The following ATP9B variants were observed in gnomAD, a reference collection of about 807,000 sequenced individuals.
ATP9B encodes ATPase phospholipid transporting 9B, also known as probable phospholipid-transporting ATPase IIB.
A neutral mutation model predicts 146.1 loss-of-function variants in ATP9B; 110 were observed. The ratio of observed to expected loss-of-function variants is 0.75; its 90% CI spans 0.65 to 0.88. The LOEUF is 0.88. Among genes scored for constraint, ATP9B ranks in the 40% least tolerant of loss-of-function variants. The pLI is 0.00. For synonymous variants in ATP9B, 604 were observed against 569.7 expected, an observed-to-expected ratio of 1.06 and a Z score of -0.86; for missense variants, 1,499 against 1,496.4, an observed-to-expected ratio of 1.00 and a Z score of -0.03.
chr18:79,346,899 G>T (rs1269685904), intron 23 of ATP9B, among the ~76,000 whole-genome samples: 3 of 152,252 alleles, frequency 2.0e-5, no homozygotes, highest in Non-Finnish European at 2.9e-5. Context: ...AGGAGGAATT[G>T]GTCGGAGTCC....
intron 11 of ATP9B, among the ~76,000 whole-genome samples, chr18:79,221,476 C>A (rs2095676529): frequency 6.6e-6 from 1 of 152,340 alleles, no homozygotes; most frequent in East Asian, 1.9e-4. Context: ...AATCCCAGCA[C>A]TTTGGAGCTC....
chr18:79,236,320 T>G (rs1394844724), intron 11 of ATP9B, among the ~76,000 whole-genome samples: 1 of 152,210 alleles, frequency 6.6e-6, no homozygotes, highest in Non-Finnish European at 1.5e-5. Context: ...AAGTCGTAGC[T>G]CATTTTCCCA....
At chr18:79,219,773 G>C (rs935899741) in intron 11 of ATP9B, among the ~76,000 whole-genome samples, 1 of 151,876 alleles carries the variant, frequency 6.6e-6, no homozygotes, top group Non-Finnish European at 1.5e-5. Context: ...ATTGCTTTAC[G>C]TTCCTGAGGT....
chr18:79,312,140 G>A (rs1191703232), intron 15 of ATP9B, among the ~76,000 whole-genome samples: 1 of 152,178 alleles, frequency 6.6e-6, no homozygotes, highest in Non-Finnish European at 1.5e-5. Context: ...CTTCGCGGAG[G>A]TGCTGGTCTT....
chr18:79,356,164 A>G (rs781166306), intron 25 of ATP9B, among the ~76,000 whole-genome samples: 1 of 152,204 alleles, frequency 6.6e-6, no homozygotes, highest in Non-Finnish European at 1.5e-5. Flanking sequence ...ATCGTCAGCC[A>G]CAGAGACCAG....
intron 6 of ATP9B, chr18:79,146,966 T>C (rs1195291455): frequency 6.6e-6 from 1 of 152,128 alleles, no homozygotes; most frequent in Non-Finnish European, 1.5e-5. Flanking sequence ...TGCACGAAAG[T>C]CTCTTCAAAT....
intron 18 of ATP9B, among the ~76,000 whole-genome samples, chr18:79,336,934 G>A (rs1299859475): frequency 1.3e-5 from 2 of 152,238 alleles, no homozygotes. Context: ...AGAAGTGCCA[G>A]TTTCCTTAGA....
intron 19 of ATP9B, 43 bp from the exon 20 acceptor site, chr18:79,342,225 G>T (rs768544120): frequency 2.1e-6 from 3 of 1,460,514 alleles, no homozygotes; most frequent in African/African-American, 1.4e-5. Flanking sequence ...AAATGAACGT[G>T]TCCTTGTCTT....
intron 10 of ATP9B, among the ~76,000 whole-genome samples, chr18:79,213,580 T>C (rs1053212442): frequency 6.6e-6 from 1 of 152,178 alleles, no homozygotes; most frequent in Non-Finnish European, 1.5e-5. Flanking sequence ...CCATCTTTAT[T>C]TGAAGGTCAA....
chr18:79,284,550 T>C (rs1396082954), intron 13 of ATP9B, among the ~76,000 whole-genome samples: 2 of 152,236 alleles, frequency 1.3e-5, no homozygotes, highest in African/African-American at 2.4e-5. Context: ...ATTTTCAAAA[T>C]TCAAAGCATA....
At chr18:79,340,843 C>T (rs930877550) in intron 19 of ATP9B, among the ~76,000 whole-genome samples, 2 of 152,220 alleles carry the variant, frequency 1.3e-5, no homozygotes, top group East Asian at 1.9e-4. Context: ...ATTGAACCTC[C>T]GTTTCCAACT....
Sources: allele counts gnomAD v4.1 joint callset (sites outside exome capture counted in the v4.1 genomes callset), GRCh38; gene constraint gnomAD v4.1.1; transcripts MANE v1.5; gene names NCBI Gene and HGNC (gene_info 2026-07-23, HGNC 2026-07-21).